PDE3B: variants seen among roughly 807,000 people sequenced by gnomAD.
PDE3B encodes the protein phosphodiesterase 3B, also known as cGMP-inhibited 3',5'-cyclic phosphodiesterase 3B.
A neutral mutation model predicts 116.8 loss-of-function variants in PDE3B; 66 were observed. The ratio of observed to expected loss-of-function variants is 0.56; its 90% CI spans 0.46 to 0.69. The LOEUF (loss-of-function observed/expected upper bound fraction) is 0.69, where lower values mean the gene tolerates loss of function less well. Among genes scored for constraint, PDE3B ranks in the 30% least tolerant of loss-of-function variants. The pLI is 0.00. For synonymous variants in PDE3B, 595 were observed against 533.6 expected (o/e 1.12, Z -1.59); for missense variants, 1,384 against 1,368.1 (o/e 1.01, Z -0.18).
intron 4 of PDE3B, among the ~76,000 whole-genome samples, chr11:14,801,682 C>CT (rs1413561371): frequency 2.0e-5 from 3 of 152,198 alleles, no homozygotes; most frequent in Admixed American, 6.5e-5. Context: ...GTCTGCTACT[C>CT]TCTTCAGAGC....
At position 14,788,574 on chromosome 11, in the gene PDE3B, G is replaced by T. The variant is rs1858284854; in HGVS notation, c.1279-532G>T. On this transcript the variant is annotated intron_variant, in intron 3 of 15. Transcript: ENST00000282096. ...TGGAATATTGGTAATTGAACATTTG[G>T]GTTAGTTGAGAATATTTTTTAAAAT... Among the ~76,000 whole-genome samples, 2 of 151,836 alleles carry T rather than the reference G, an allele frequency of 1.3e-5. 1 individual carries two copies. Among genetic ancestry groups the T allele is most frequent in the South Asian group, 4.1e-4 (2 of 4,826 alleles).
intron 4 of PDE3B, among the ~76,000 whole-genome samples, chr11:14,797,834 G>T (rs1469099502): frequency 6.6e-6 from 1 of 152,162 alleles, no homozygotes; most frequent in Admixed American, 6.5e-5. Context: ...TTGGGGCTGA[G>T]ACAATGGGGT....
At chr11:14,875,944 A>G (rs1348750352), downstream of PDE3B, among the ~76,000 whole-genome samples, 2 of 152,238 alleles carry the variant, frequency 1.3e-5, no homozygotes, top group Non-Finnish European at 2.9e-5. Context: ...AAGCAAGGCA[A>G]TGAAAATAGC....
At chr11:14,676,709 C>CTCACATCCATATATA (rs1854542152) in intron 1 of PDE3B, among the ~76,000 whole-genome samples, 1 of 152,154 alleles carries the variant, frequency 6.6e-6, no homozygotes, top group East Asian at 1.9e-4. Context: ...CATTATGTGG[C>CTCACATCCATATATA]ATGTCACTAT....
chr11:14,786,531 A>C lies in PDE3B; in HGVS notation c.1124A>C (p.Gln375Pro), dbSNP rs1858204268. ...DLLTDPSLPPQVISSLRSISS... is the reference protein window; with the variant it reads ...DLLTDPSLPPPVISSLRSISS... ...CTGACTGATCCAAGCCTTCCACCACAAGTCATTTCCTCTCTACGGAGTATT... is the reference window on the plus strand; with the variant it reads ...CTGACTGATCCAAGCCTTCCACCACCAGTCATTTCCTCTCTACGGAGTATT... Residue 375 changes from glutamine (Q) to proline (P), a missense_variant, in exon 3 of 16, where the codon CAA becomes CCA. Gln to Pro is a moderately conservative substitution (Grantham distance 76). Around this residue, in one of 2 missense-constraint regions of PDE3B, gnomAD observed 956 missense variants for 806.8 expected, o/e 1.18. Coordinates refer to ENST00000282096, the MANE Select transcript of PDE3B (RefSeq NM_000922.4). 2 of 1,613,120 alleles carry C rather than the reference A, an allele frequency of 1.2e-6. No homozygotes were observed. Among genetic ancestry groups the C allele is most frequent in the Middle Eastern group, 1.6e-4 (1 of 6,078 alleles).
chr11:14,798,292 TGGTGG>T (rs1858623214), intron 4 of PDE3B, among the ~76,000 whole-genome samples: 1 of 152,198 alleles, frequency 6.6e-6, no homozygotes, highest in Non-Finnish European at 1.5e-5. Flanking sequence ...TACTTGATCG[TGGTGG>T]GTAAGCTTTT....
intron 1 of PDE3B, among the ~76,000 whole-genome samples, chr11:14,658,256 G>A (rs1027474658): frequency 6.6e-6 from 1 of 152,120 alleles, no homozygotes; most frequent in African/African-American, 2.4e-5. Context: ...AGAAGCCATA[G>A]GATTGAGAAA....
At chr11:14,853,098 A>G (rs782602950) in intron 12 of PDE3B, among the ~76,000 whole-genome samples, 1 of 129,894 alleles carries the variant, frequency 7.7e-6, no homozygotes, top group Non-Finnish European at 1.8e-5. Flanking sequence ...GAGTGTTTGC[A>G]CTTTCTGTTC....
chr11:14,783,339 G>A (rs1035524072), intron 2 of PDE3B, among the ~76,000 whole-genome samples: 9 of 152,312 alleles, frequency 5.9e-5, no homozygotes, highest in Non-Finnish European at 1.3e-4. Context: ...ATTCACAATA[G>A]CAAAGACTTG....
At chr11:14,886,035 T>C in the PDE3B span, 782 of 953,330 alleles carry the variant, frequency 8.2e-4, 4 homozygotes, top group Non-Finnish European at 1.1e-3. Flanking sequence ...CCTGAAAATA[T>C]AGGCAGTTAT....
At chr11:14,878,298 C>T in the PDE3B span, 124 of 1,612,424 alleles carry the variant, frequency 7.7e-5, no homozygotes, top group Middle Eastern at 4.9e-4. Flanking sequence ...TGTCTTCTTC[C>T]TAAACAGAAA....
chr11:14,649,201 C>T (rs1020912041), intron 1 of PDE3B, among the ~76,000 whole-genome samples: 4 of 152,102 alleles, frequency 2.6e-5, no homozygotes, highest in Non-Finnish European at 2.9e-5. Flanking sequence ...TTTCTCTTTT[C>T]CCTTTCAATT....
intron 2 of PDE3B, among the ~76,000 whole-genome samples, chr11:14,781,065 A>C (rs1857982624): frequency 6.6e-6 from 1 of 152,244 alleles, no homozygotes; most frequent in Admixed American, 6.5e-5. Context: ...AAAATCTAGA[A>C]GAAATGGATA....
At chr11:14,676,241 A>G (rs1854528060) in intron 1 of PDE3B, among the ~76,000 whole-genome samples, 1 of 152,160 alleles carries the variant, frequency 6.6e-6, no homozygotes, top group Non-Finnish European at 1.5e-5. Flanking sequence ...AACAGTGAGG[A>G]TATGTTCTGA....
At chr11:14,711,311 C>T (rs971410530) in intron 1 of PDE3B, among the ~76,000 whole-genome samples, 6 of 152,098 alleles carry the variant, frequency 3.9e-5, no homozygotes, top group Non-Finnish European at 8.8e-5. Flanking sequence ...GAGCAGGGCC[C>T]AACTTGTCTG....
chr11:14,706,408 C>T (rs977619874), intron 1 of PDE3B, among the ~76,000 whole-genome samples: 2 of 151,850 alleles, frequency 1.3e-5, no homozygotes, highest in African/African-American at 4.8e-5. Flanking sequence ...TTGCAGTTTA[C>T]TGGATGATCT....
chr11:14,782,919 A>G (rs1279904351), intron 2 of PDE3B, among the ~76,000 whole-genome samples: 4 of 152,250 alleles, frequency 2.6e-5, no homozygotes, highest in African/African-American at 4.8e-5. Flanking sequence ...TTACAAGAAA[A>G]AAATCAAACA....
intron 1 of PDE3B, among the ~76,000 whole-genome samples, chr11:14,686,608 T>C (rs1854880952): frequency 6.6e-6 from 1 of 152,240 alleles, no homozygotes; most frequent in African/African-American, 2.4e-5. Flanking sequence ...AAAGACTGAA[T>C]TGGCTTTATA....
chr11:14,772,083 C>G, intron 2 of PDE3B, 96 bp downstream of exon 2: 2 of 599,378 alleles, frequency 3.3e-6, no homozygotes, highest in Non-Finnish European at 6.0e-6. Flanking sequence ...AAGTTACACT[C>G]ACAATATTTC....
Sources: allele counts gnomAD v4.1 joint callset (sites outside exome capture counted in the v4.1 genomes callset), GRCh38; gene constraint gnomAD v4.1.1; regional missense constraint gnomAD v4.1.1; transcripts MANE v1.5; gene names NCBI Gene and HGNC (gene_info 2026-07-23, HGNC 2026-07-21).